ANKRD52: variants seen among roughly 807,000 people sequenced by gnomAD.
The protein encoded by ANKRD52 is ankyrin repeat domain 52.
Under a neutral mutation model 116.0 loss-of-function variants are expected in ANKRD52, and 7 were observed. The ratio of observed to expected loss-of-function variants is 0.06; its 90% CI spans 0.03 to 0.11. The LOEUF is 0.11. Among genes scored for constraint, ANKRD52 ranks in the 10% least tolerant of loss-of-function variants. The pLI, the probability that ANKRD52 is intolerant of heterozygous loss-of-function variation, is 1.00. For synonymous variants in ANKRD52, 528 were observed against 578.1 expected, an observed-to-expected ratio of 0.91 and a Z score of 1.24; for missense variants, 839 against 1,408.6, an observed-to-expected ratio of 0.60 and a Z score of 6.47.
intron 3 of ANKRD52, 69 bp downstream of exon 3, chr12:56,257,214 A>C: frequency 1.3e-6 from 2 of 1,542,938 alleles, no homozygotes; most frequent in Non-Finnish European, 1.8e-6. Context: ...GCAATCCTTG[A>C]ATATCAAAAA....
At position 56,240,097 on chromosome 12, in the gene ANKRD52, T is replaced by C. The variant is rs1218588920; in HGVS notation, c.*3045A>G. On this transcript the variant is annotated 3_prime_UTR_variant, in exon 28 of 28. Coordinates refer to ENST00000267116, the MANE Select transcript of ANKRD52 (RefSeq NM_173595.4). The surrounding 1 kb of genome is among the most constrained non-coding windows in gnomAD (Gnocchi z 4.2). ...CAACCTGGGCTGTACATTCAGTGGT[T>C]TTCAGCAGTCCTATGGCTCAGGGGG... 1 of 151,902 alleles carries C rather than the reference T, an allele frequency of 6.6e-6. No homozygotes were observed. Among genetic ancestry groups the C allele is most frequent in the Non-Finnish European group, 1.5e-5 (1 of 68,000 alleles). 9.4% of individuals were successfully genotyped at this position (151,902 alleles called of 1,614,324 possible). A position where few individuals can be genotyped will look rare whatever the true frequency, so the allele number is the denominator to read the frequency against.
intron 15 of ANKRD52, among the ~76,000 whole-genome samples, chr12:56,249,667 G>A (rs1299734739): frequency 6.6e-6 from 1 of 152,248 alleles, no homozygotes; most frequent in East Asian, 1.9e-4. Context: ...ACTTTAGGAG[G>A]CTGAGGTGGG....
At position 56,257,885 on chromosome 12, in the gene ANKRD52, G is replaced by T; in HGVS notation, c.54C>A (p.Ser18Arg). 1 of 1,612,982 alleles carries T rather than the reference G, an allele frequency of 6.2e-7. No homozygotes were observed. The highest frequency in any genetic ancestry group is 8.5e-7 in the Non-Finnish European group (1 of 1,179,580). ...DQPPLVQAIF[S>R]RDVEEVRSLL... is the part of the protein sequence containing the mutation. The stretch of plus-strand genomic sequence containing the variant: ...GGGAACGCACTTCCTCCACATCTCG[G>T]CTAAAGATGGCCTGGACCAGGGGCG... The change falls in exon 2 of 28, where the codon AGC becomes AGA. Residue 18 changes from serine to arginine, a missense_variant. Ser to Arg is a moderately radical substitution (Grantham distance 110). Transcript: ENST00000267116.
At position 56,237,872 on chromosome 12, in the gene ANKRD52, C is replaced by A; in HGVS notation, c.*5270G>T. 9.2e-7 allele frequency: 1 copy of A among 1,088,812 alleles called. No homozygotes were observed. The highest frequency in any genetic ancestry group is 1.3e-6 in the Non-Finnish European group (1 of 798,556). 67.4% of individuals were successfully genotyped at this position (1,088,812 alleles called of 1,614,324 possible). A position where few individuals can be genotyped will look rare whatever the true frequency, so the allele number is the denominator to read the frequency against. On this transcript the variant is annotated 3_prime_UTR_variant, in exon 28 of 28. Transcript: ENST00000267116. Reference sequence around the variant, plus strand: ...GCCATGACTACGACAGTTGTACTTGCACCAAAACAGCATAGAAAACCAGAG... The same window carrying A: ...GCCATGACTACGACAGTTGTACTTGAACCAAAACAGCATAGAAAACCAGAG...
Position 56,252,860 on chromosome 12 carries a change from C to T in ANKRD52, c.1221G>A (p.Glu407=), listed in dbSNP as rs373055055. The T allele has an allele frequency of 2.2e-4, 362 of 1,613,872 alleles. No homozygotes were observed. The highest frequency in any genetic ancestry group is 2.9e-4 in the Non-Finnish European group (344 of 1,179,900). ...LYSIVSSLSN[E]HVLSAGFDIN... is the part of the protein sequence containing the mutation. ...TGTCAAACCCAGCTGAAAGCACATGCTCATTGCTGAGTGAAGACACAATGC... is the reference window on the plus strand; with the variant it reads ...TGTCAAACCCAGCTGAAAGCACATGTTCATTGCTGAGTGAAGACACAATGC... Residue 407 remains glutamate, a synonymous_variant, in exon 12 of 28, where the codon GAG becomes GAA. Transcript: ENST00000267116. This position sits in a 1 kb window ranked among gnomAD's most constrained non-coding sequence, Gnocchi z 4.7.
Position 56,252,121 on chromosome 12 carries a change from G to T in ANKRD52, c.1512-26C>A. ...CTGGGGAAGAGAGAGAGAAAGTTAGGGCCAGGCTCAGGGAGGTGAATGGGG... is the reference window on the plus strand; with the variant it reads ...CTGGGGAAGAGAGAGAGAAAGTTAGTGCCAGGCTCAGGGAGGTGAATGGGG... On this transcript the variant is annotated intron_variant, in intron 14 of 27. Transcript: ENST00000267116. The surrounding 1 kb of genome is among the most constrained non-coding windows in gnomAD (Gnocchi z 4.7). 6.2e-7 allele frequency: 1 copy of T among 1,613,926 alleles called. No homozygotes were observed. Among genetic ancestry groups the T allele is most frequent in the South Asian group, 1.1e-5 (1 of 91,082 alleles).
Position 56,252,698 on chromosome 12 carries a change from A to C in ANKRD52, c.1301+82T>G. 6.5e-7 allele frequency: 1 copy of C among 1,540,666 alleles called. No homozygotes were observed. The highest frequency in any genetic ancestry group is 9.0e-7 in the Non-Finnish European group (1 of 1,117,076). The stretch of plus-strand genomic sequence containing the variant: ...CTGCTTTCATTGTGAGAGGGGGAAT[A>C]GATCTGGGCAGGCAAGAATGAGGGG... On this transcript the variant is annotated intron_variant, in intron 12 of 27. Coordinates refer to ENST00000267116, the MANE Select transcript of ANKRD52 (RefSeq NM_173595.4). The surrounding 1 kb of genome is among the most constrained non-coding windows in gnomAD (Gnocchi z 4.7).
chr12:56,245,331 C>T (rs1871344616), intron 21 of ANKRD52, 46 bp downstream of exon 21: 1 of 1,602,848 alleles, frequency 6.2e-7, no homozygotes, highest in Middle Eastern at 1.9e-4. Flanking sequence ...CCTCTACACA[C>T]ACTCCAACAC....
Position 56,243,048 on chromosome 12 carries a change from T to G in ANKRD52, c.*94A>C. ...CCCCTCCGCCCCCTCCACCCAGTCG[T>G]GTTCTCCTTTAAAGTGCCCTAAATG... On this transcript the variant is annotated 3_prime_UTR_variant, in exon 28 of 28. Coordinates refer to ENST00000267116, the MANE Select transcript of ANKRD52 (RefSeq NM_173595.4). This position sits in a 1 kb window ranked among gnomAD's most constrained non-coding sequence, Gnocchi z 4.6. The G allele has an allele frequency of 7.0e-7, 1 of 1,427,226 alleles. No homozygotes were observed. The highest frequency in any genetic ancestry group is 9.2e-7 in the Non-Finnish European group (1 of 1,082,608). 88.4% of individuals were successfully genotyped at this position (1,427,226 alleles called of 1,614,324 possible).
In ANKRD52 at chr12:56,252,691, G is replaced by T; in HGVS notation, c.1301+89C>A. ...GCTGTGACTGCTTTCATTGTGAGAG[G>T]GGGAATAGATCTGGGCAGGCAAGAA... On this transcript the variant is annotated intron_variant, in intron 12 of 27. Coordinates refer to ENST00000267116, the MANE Select transcript of ANKRD52 (RefSeq NM_173595.4). This position sits in a 1 kb window ranked among gnomAD's most constrained non-coding sequence, Gnocchi z 4.7. 1 of 1,535,838 alleles carries T rather than the reference G, an allele frequency of 6.5e-7. No individual in the cohort carries two copies.
rs1422039289 is a variant in ANKRD52 at position 56,244,466 on chromosome 12, C to T, written c.2723-31G>A. The T allele has an allele frequency of 3.1e-6, 5 of 1,610,588 alleles. No individual in the cohort carries two copies. In the African/African-American group the frequency reaches 6.7e-5, roughly 22 times the overall value. ...AGAGAAATGTGATAGAGGGACTGAC[C>T]CCTCCCTCCAGAGCAGTAGCCATCC... On this transcript the variant is annotated intron_variant, in intron 24 of 27. Transcript: ENST00000267116. The surrounding 1 kb of genome is among the most constrained non-coding windows in gnomAD (Gnocchi z 4.9).
chr12:56,252,632 G>C lies in ANKRD52; in HGVS notation c.1302-62C>G. 6.4e-7 allele frequency: 1 copy of C among 1,571,236 alleles called. No individual in the cohort carries two copies. On this transcript the variant is annotated intron_variant, in intron 12 of 27. Transcript: ENST00000267116. The surrounding 1 kb of genome is among the most constrained non-coding windows in gnomAD (Gnocchi z 4.7). ...AAGGGAAGCCACAGGCCCAGGGTGG[G>C]GCTAAGGAAGGATGGGACTAGCAAG... is the stretch of plus-strand genomic sequence containing the variant.
Position 56,245,612 on chromosome 12 carries a change from G to A in ANKRD52, c.2185-16C>T, listed in dbSNP as rs780172007. The A allele has an allele frequency of 1.9e-6, 3 of 1,599,528 alleles. No individual in the cohort carries two copies. The highest frequency in any genetic ancestry group is 1.7e-4 in the Middle Eastern group (1 of 6,016). ...CAGTCACTGCCTGTGAGTAACATGG[G>A]GGTGTGAGGGGGATGAAAAGCTCCT... On this transcript the variant is annotated splice_polypyrimidine_tract_variant and intron_variant, in intron 20 of 27. Transcript: ENST00000267116.
chr12:56,249,294 C>G (rs1336710896), intron 15 of ANKRD52, among the ~76,000 whole-genome samples: 1 of 152,210 alleles, frequency 6.6e-6, no homozygotes, highest in African/African-American at 2.4e-5. Flanking sequence ...CCTTTCCCAG[C>G]CTTCCCTGGG....
rs962765918 is a variant in ANKRD52 at position 56,239,380 on chromosome 12, C to T, written c.*3762G>A. On this transcript the variant is annotated 3_prime_UTR_variant, in exon 28 of 28. Coordinates refer to ENST00000267116, the MANE Select transcript of ANKRD52 (RefSeq NM_173595.4). ...GGGAAGGGGCTGCTTTGTTCCTTAT[C>T]CCTCCTTCTTAAAAGGTAGGGTTCA... 7 of 152,264 alleles carry T rather than the reference C, an allele frequency of 4.6e-5. No homozygotes were observed. Among genetic ancestry groups the T allele is most frequent in the African/African-American group, 1.7e-4 (7 of 41,468 alleles). The allele number at this position is 152,264 out of a possible 1,614,324, so 9.4% of individuals were successfully genotyped here. A position where few individuals can be genotyped will look rare whatever the true frequency, so the allele number is the denominator to read the frequency against.
Position 56,244,329 on chromosome 12 carries a change from C to G in ANKRD52, c.2805+24G>C. On this transcript the variant is annotated intron_variant, in intron 25 of 27. Coordinates refer to ENST00000267116, the MANE Select transcript of ANKRD52 (RefSeq NM_173595.4). The surrounding 1 kb of genome is among the most constrained non-coding windows in gnomAD (Gnocchi z 4.9). ...CATCAAGCTCTGCCCCTTATGCAGT[C>G]CCCCAATCACTTCAGGTAAGTACCT... 6.8e-6 allele frequency: 11 copies of G among 1,611,436 alleles called. No individual in the cohort carries two copies. Among genetic ancestry groups the G allele is most frequent in the Non-Finnish European group, 9.3e-6 (11 of 1,177,692 alleles).
chr12:56,244,276 C>T lies in ANKRD52; in HGVS notation c.2805+77G>A, dbSNP rs1184065354. On this transcript the variant is annotated intron_variant, in intron 25 of 27. Coordinates refer to ENST00000267116, the MANE Select transcript of ANKRD52 (RefSeq NM_173595.4). The surrounding 1 kb of genome is among the most constrained non-coding windows in gnomAD (Gnocchi z 4.9). The stretch of plus-strand genomic sequence containing the variant: ...GACAATCCTCACTTCTGCCCCAGTC[C>T]CCTCTGCAACCGAGACTTACCTCTC... 2 of 1,555,038 alleles carry T rather than the reference C, an allele frequency of 1.3e-6. No individual in the cohort carries two copies. Among genetic ancestry groups the T allele is most frequent in the African/African-American group, 1.4e-5 (1 of 73,708 alleles).
intron 20 of ANKRD52, among the ~76,000 whole-genome samples, chr12:56,246,445 G>T (rs1871403789): frequency 6.6e-6 from 1 of 152,172 alleles, no homozygotes; most frequent in African/African-American, 2.4e-5. Context: ...GTTAATACTG[G>T]AAAGACTAAA....
Position 56,244,496 on chromosome 12 carries a change from T to C in ANKRD52, c.2723-61A>G, listed in dbSNP as rs1871305311. On this transcript the variant is annotated intron_variant, in intron 24 of 27. Coordinates refer to ENST00000267116, the MANE Select transcript of ANKRD52 (RefSeq NM_173595.4). This position sits in a 1 kb window ranked among gnomAD's most constrained non-coding sequence, Gnocchi z 4.9. ...CCTCCAGAGCAGTAGCCATCCTGGCTCTCCACTTTGCATCCCGTCTGCAGA... is the reference window on the plus strand; with the variant it reads ...CCTCCAGAGCAGTAGCCATCCTGGCCCTCCACTTTGCATCCCGTCTGCAGA... 1 of 1,601,570 alleles carries C rather than the reference T, an allele frequency of 6.2e-7. No homozygotes were observed. The highest frequency in any genetic ancestry group is 2.2e-5 in the East Asian group (1 of 44,750).
Sources: gnomAD v4.1 joint callset for allele counts (sites outside exome capture counted in the v4.1 genomes callset) on GRCh38, gnomAD v4.1.1 for gene constraint, Gnocchi (gnomAD v3.1) non-coding constraint, MANE v1.5 for transcripts, NCBI Gene and HGNC (gene_info 2026-07-23, HGNC 2026-07-21) for gene names.